The following RNF220 variants were observed in gnomAD, a reference collection of about 807,000 sequenced individuals.
RNF220 encodes the protein ring finger protein 220, also known as E3 ubiquitin-protein ligase RNF220.
In RNF220, 7 loss-of-function variants were observed where a neutral mutation model predicts 67.1. The ratio of observed to expected loss-of-function variants is 0.10; its 90% CI spans 0.06 to 0.20. The LOEUF is 0.20. Among genes scored for constraint, RNF220 ranks in the 10% least tolerant of loss-of-function variants. The pLI is 1.00. For synonymous variants in RNF220, 270 were observed against 283.2 expected, an observed-to-expected ratio of 0.95 and a Z score of 0.47; for missense variants, 565 against 740.3, an observed-to-expected ratio of 0.76 and a Z score of 2.75.
intron 2 of RNF220, among the ~76,000 whole-genome samples, chr1:44,422,252 GGGCAGT>G (rs1372512451): frequency 6.6e-6 from 1 of 152,214 alleles, no homozygotes; most frequent in Non-Finnish European, 1.5e-5. Context: ...GGAGTGGTAA[GGGCAGT>G]GGCGCATGCT....
At chr1:44,474,228 A>G (rs1398271273) in intron 2 of RNF220, among the ~76,000 whole-genome samples, 4 of 151,974 alleles carry the variant, frequency 2.6e-5, no homozygotes, top group Non-Finnish European at 5.9e-5. Context: ...TACAAAAATT[A>G]GCTGGGCCTA....
At chr1:44,408,387 A>G (rs1647613002) in intron 1 of RNF220, among the ~76,000 whole-genome samples, 1 of 152,218 alleles carries the variant, frequency 6.6e-6, no homozygotes, top group African/African-American at 2.4e-5. Context: ...GAACTGTGTT[A>G]GCCTTATGTT....
At chr1:44,553,842 AC>A (rs1662863261) in intron 2 of RNF220, among the ~76,000 whole-genome samples, 1 of 152,186 alleles carries the variant, frequency 6.6e-6, no homozygotes, top group Admixed American at 6.5e-5. Context: ...GCTAGCAACG[AC>A]AGGGGAGCTG....
At chr1:44,630,915 G>C (rs1644097351) in intron 5 of RNF220, among the ~76,000 whole-genome samples, 1 of 152,222 alleles carries the variant, frequency 6.6e-6, no homozygotes. Context: ...GAAGGAGAGG[G>C]TTAATTTTGT....
chr1:44,644,850 A>G, intron 9 of RNF220, 56 bp downstream of exon 9: 1 of 1,547,294 alleles, frequency 6.5e-7, no homozygotes. Context: ...CACAGGGAAT[A>G]AGAAAAGTAG....
intron 2 of RNF220, among the ~76,000 whole-genome samples, chr1:44,452,298 A>G (rs1422689571): frequency 6.6e-6 from 1 of 152,180 alleles, no homozygotes; most frequent in South Asian, 2.1e-4. Flanking sequence ...TCACGCCTGT[A>G]ATCTCAGCAC....
chr1:44,503,462 A>G (rs1230452219), intron 2 of RNF220, among the ~76,000 whole-genome samples: 1 of 152,122 alleles, frequency 6.6e-6, no homozygotes, highest in Non-Finnish European at 1.5e-5. Flanking sequence ...GAGAATGTCC[A>G]TGTGTGCATA....
rs1163071050 is a variant in RNF220, at chr1:44,624,506, CAG to C, written c.804+1723_804+1724del. Among the ~76,000 whole-genome samples the C allele has an allele frequency of 6.6e-6, 1 of 152,176 alleles. No homozygotes were observed. The highest frequency in any genetic ancestry group is 1.5e-5 in the Non-Finnish European group (1 of 68,042). Reference sequence around the variant, plus strand: ...ACACAGGCATACTGACCATGAGACACAGAGATAAGGGACACTTGCTCACCCAC... The same window carrying C: ...ACACAGGCATACTGACCATGAGACACAGATAAGGGACACTTGCTCACCCAC... On this transcript the variant is annotated intron_variant, in intron 4 of 14. Coordinates refer to ENST00000361799, the MANE Select transcript of RNF220 (RefSeq NM_018150.4). This position sits in a 1 kb window ranked among gnomAD's most constrained non-coding sequence, Gnocchi z 4.2.
chr1:44,421,455 G>A (rs1248525447), intron 2 of RNF220, among the ~76,000 whole-genome samples: 2 of 152,162 alleles, frequency 1.3e-5, no homozygotes, highest in African/African-American at 2.4e-5. Flanking sequence ...GCCTATGTGA[G>A]ACAAATCTGT....
At position 44,644,735 on chromosome 1, in the gene RNF220, G is replaced by A. The variant is rs775698325; in HGVS notation, c.1164G>A (p.Pro388=). 22 of 1,613,944 alleles carry A rather than the reference G, an allele frequency of 1.4e-5. 2 individuals are homozygous for A. In the Middle Eastern group the frequency reaches 6.6e-4, roughly 48 times the overall value. The stretch of plus-strand genomic sequence containing the variant: ...TCATGTGCAGCGGCAAAGAGAACCC[G>A]GACAGTGATGCTGACTTGGATGTGG... The part of the protein sequence containing the change: ...GFIMCSGKEN[P]DSDADLDVDG... Residue 388 remains proline, a synonymous_variant, in exon 9 of 15, where the codon CCG becomes CCA. Coordinates refer to ENST00000361799, the MANE Select transcript of RNF220 (RefSeq NM_018150.4).
rs192409111 is a variant in RNF220, at chr1:44,493,342, C to T, written c.625+80620C>T. ...CAGCCTGGCCAACATGGTAAAACTCCGTCTCTACTAAAAATACGAAAATTA... is the reference window on the plus strand; with the variant it reads ...CAGCCTGGCCAACATGGTAAAACTCTGTCTCTACTAAAAATACGAAAATTA... On this transcript the variant is annotated intron_variant, in intron 2 of 14. Coordinates refer to ENST00000361799, the MANE Select transcript of RNF220 (RefSeq NM_018150.4). Among the ~76,000 whole-genome samples the T allele has an allele frequency of 2.0e-3, 299 of 152,062 alleles. 1 individual carries two copies. The highest frequency in any genetic ancestry group is 6.8e-3 in the African/African-American group (280 of 41,478).
rs192668124 is a variant in RNF220 at position 44,628,700 on chromosome 1, A to G, written c.906+2302A>G. 2.8e-3 allele frequency among the ~76,000 whole-genome samples: 421 copies of G among 151,968 alleles called. 3 individuals are homozygous for G. The highest frequency in any genetic ancestry group is 9.7e-3 in the African/African-American group (401 of 41,448). On this transcript the variant is annotated intron_variant, in intron 5 of 14. Coordinates refer to ENST00000361799, the MANE Select transcript of RNF220 (RefSeq NM_018150.4). The stretch of plus-strand genomic sequence containing the variant: ...TATGCTCACTGAACTAATGCTAAAC[A>G]CTCCCTGGATGAGGCATTCCTTTCT...
chr1:44,626,281 T>A lies in RNF220; in HGVS notation c.805-16T>A. 6.2e-7 allele frequency: 1 copy of A among 1,609,026 alleles called. No homozygotes were observed. On this transcript the variant is annotated splice_polypyrimidine_tract_variant and intron_variant, in intron 4 of 14. Transcript: ENST00000361799. ...CTCATTTGGCCTGAGGCCACATGTC[T>A]TTTTTCTTCTTCCAGTCCCTCCTGT...
At chr1:44,613,808 C>G (rs1325269839) in intron 2 of RNF220, among the ~76,000 whole-genome samples, 1 of 152,142 alleles carries the variant, frequency 6.6e-6, no homozygotes, top group East Asian at 1.9e-4. Context: ...ACCCAGGAGG[C>G]AGAGGTTGCA....
chr1:44,526,319 A>G (rs12749503), intron 2 of RNF220, among the ~76,000 whole-genome samples: 23,117 of 152,104 alleles, frequency 0.15, 1,858 homozygotes, highest in Middle Eastern at 0.19. Flanking sequence ...CTCTCTCAAA[A>G]TATTTCTCTT....
intron 2 of RNF220, among the ~76,000 whole-genome samples, chr1:44,591,173 G>A (rs142617625): frequency 0.022 from 3,317 of 152,174 alleles, 129 homozygotes; most frequent in African/African-American, 0.075. Flanking sequence ...GGCAGGTCTC[G>A]AACTCCTGAC....
In RNF220 at chr1:44,411,985, T is replaced by TAGGAGGG; in HGVS notation, c.-111_-105dup. 2 of 1,232,296 alleles carry TAGGAGGG rather than the reference T, an allele frequency of 1.6e-6. No individual in the cohort carries two copies. The highest frequency in any genetic ancestry group is 2.3e-6 in the Non-Finnish European group (2 of 882,632). 76.3% of individuals were successfully genotyped at this position (1,232,296 alleles called of 1,614,324 possible). ...TTCTCTTTGCTGTTTCTACAGGTCT[T>TAGGAGGG]AGGAGGGAATGATTCCCCAGTAATA... On this transcript the variant is annotated 5_prime_UTR_variant, in exon 2 of 15. The change creates a premature stop within an existing upstream ORF in the 5' untranslated region. Coordinates refer to ENST00000361799, the MANE Select transcript of RNF220 (RefSeq NM_018150.4).
At position 44,527,515 on chromosome 1, in the gene RNF220, C is replaced by G. The variant is rs142646538; in HGVS notation, c.626-86650C>G. On this transcript the variant is annotated intron_variant, in intron 2 of 14. Coordinates refer to ENST00000361799, the MANE Select transcript of RNF220 (RefSeq NM_018150.4). ...ATGTACACCTGTAATCTCAGCCACTCGAGATGCGGAGATGAGAGAATCGCT... is the reference window on the plus strand; with the variant it reads ...ATGTACACCTGTAATCTCAGCCACTGGAGATGCGGAGATGAGAGAATCGCT... 2.0e-5 allele frequency among the ~76,000 whole-genome samples: 3 copies of G among 152,080 alleles called. 1 individual carries two copies. The South Asian group carries it at 6.2e-4, about 32-fold the overall frequency.
At chr1:44,595,889 G>A (rs188720779) in intron 2 of RNF220, among the ~76,000 whole-genome samples, 4,330 of 151,784 alleles carry the variant, frequency 0.029, 215 homozygotes, top group African/African-American at 0.099. Context: ...TCAGCCTCCC[G>A]AGTAGCTGGG....
Sources: allele counts gnomAD v4.1 joint callset (sites outside exome capture counted in the v4.1 genomes callset), GRCh38; gene constraint gnomAD v4.1.1; non-coding constraint Gnocchi (gnomAD v3.1); transcripts MANE v1.5; gene names NCBI Gene and HGNC (gene_info 2026-07-23, HGNC 2026-07-21).